The following ERGIC3 variants were observed in gnomAD, a reference collection of about 807,000 sequenced individuals.
ERGIC3 encodes endoplasmic reticulum-Golgi intermediate compartment protein 3.
A neutral mutation model predicts 54.7 loss-of-function variants in ERGIC3; 33 were observed. The ratio of observed to expected loss-of-function variants is 0.60; its 90% CI spans 0.46 to 0.81. ERGIC3 has a LOEUF of 0.81. Ranked by LOEUF, ERGIC3 falls within the 30% of genes least tolerant of loss-of-function variation. ERGIC3 has a pLI of 0.00. For synonymous variants in ERGIC3, 186 were observed against 189.8 expected (o/e 0.98, Z 0.16); for missense variants, 399 against 488.4 (o/e 0.82, Z 1.73).
chr20:35,551,657 G>A (rs189706634), intron 7 of ERGIC3, among the ~76,000 whole-genome samples: 1 of 152,226 alleles, frequency 6.6e-6, no homozygotes, highest in Admixed American at 6.5e-5. Context: ...GGAATTGGTA[G>A]GGGAGACTGG....
chr20:35,553,270 A>AGCCATTGTGCATTTTTAAGG (rs2064692305), intron 7 of ERGIC3, among the ~76,000 whole-genome samples: 1 of 148,296 alleles, frequency 6.7e-6, no homozygotes, highest in East Asian at 2.0e-4. Flanking sequence ...TGTTGGGATT[A>AGCCATTGTGCATTTTTAAGG]CAGATGTGAG....
intron 7 of ERGIC3, chr20:35,554,358 C>A (rs753459063): frequency 6.2e-6 from 10 of 1,614,124 alleles, no homozygotes; most frequent in Non-Finnish European, 8.5e-6. Flanking sequence ...TCTCCTCCCT[C>A]CCCCATGCTG....
chr20:35,543,087 C>A, intron 4 of ERGIC3, 146 bp downstream of exon 4: 1 of 1,167,332 alleles, frequency 8.6e-7, no homozygotes, highest in African/African-American at 1.5e-5. Flanking sequence ...GGTCCCCCAG[C>A]TAGTAAGAGT....
At position 35,555,745 on chromosome 20, in the gene ERGIC3, C is replaced by T. The variant is rs990058980; in HGVS notation, c.718-288C>T. ...AGGCAAGAGAATCGCTTGAATAAGG[C>T]GAGGCTGCAGTGAGCCAAGATCATG... On this transcript the variant is annotated intron_variant, in intron 8 of 12. Transcript: ENST00000348547. Among the ~76,000 whole-genome samples the T allele has an allele frequency of 7.4e-5, 11 of 148,542 alleles. No homozygotes were observed. The South Asian group carries it at 1.3e-3, about 17-fold the overall frequency.
rs989721871 is a variant in ERGIC3, at chr20:35,543,732, T to G, written c.367+791T>G. ...GGATGTGGAGTGGAGGAGAGCAAAGTCATGGTTGTTGATTCCAACGCTTTC... is the reference window on the plus strand; with the variant it reads ...GGATGTGGAGTGGAGGAGAGCAAAGGCATGGTTGTTGATTCCAACGCTTTC... On this transcript the variant is annotated intron_variant, in intron 4 of 12. Transcript: ENST00000348547. 7 of 470,354 alleles carry G rather than the reference T, an allele frequency of 1.5e-5. No homozygotes were observed. In the East Asian group the frequency reaches 3.5e-4, roughly 23 times the overall value. The allele number at this position is 470,354 out of a possible 1,614,324, so 29.1% of individuals were successfully genotyped here. A position where few individuals can be genotyped will look rare whatever the true frequency, so the allele number is the denominator to read the frequency against.
In ERGIC3 at chr20:35,548,593, C is replaced by A; in HGVS notation, c.546C>A (p.Cys182Ter). ...AGAACCCAGATACTATTGAGCAGTGCCGGCGAGAGGGCTTCAGCCAGAAGA... is the reference window on the plus strand; with the variant it reads ...AGAACCCAGATACTATTGAGCAGTGACGGCGAGAGGGCTTCAGCCAGAAGA... The part of the protein sequence containing the change: ...AFKNPDTIEQ[C>*]RREGFSQKMQ... The change falls in exon 6 of 13, where the codon TGC (cysteine) becomes TGA (stop). Residue 182 changes from cysteine to a stop codon, truncating the protein, a stop_gained. Transcript: ENST00000348547. LOFTEE classifies it high-confidence loss of function. The A allele has an allele frequency of 6.2e-7, 1 of 1,614,182 alleles. No homozygotes were observed. Among genetic ancestry groups the A allele is most frequent in the East Asian group, 2.2e-5 (1 of 44,882 alleles).
At chr20:35,557,138 G>A in intron 11 of ERGIC3, 29 bp downstream of exon 11, 2 of 1,614,192 alleles carry the variant, frequency 1.2e-6, no homozygotes, top group South Asian at 1.1e-5. Flanking sequence ...CGGCCTCTGG[G>A]GGCCTGGGCC....
intron 7 of ERGIC3, 70 bp from the exon 8 acceptor site, chr20:35,554,974 G>T (rs748158625): frequency 1.3e-6 from 2 of 1,564,778 alleles, no homozygotes; most frequent in East Asian, 4.5e-5. Flanking sequence ...AGTCCAGGGG[G>T]AGGAAGGAGG....
rs151300892 is a variant in ERGIC3 at position 35,551,546 on chromosome 20, A to C, written c.685+2681A>C. 5.9e-5 allele frequency among the ~76,000 whole-genome samples: 9 copies of C among 152,224 alleles called. No individual in the cohort carries two copies. The East Asian group carries it at 1.7e-3, about 29-fold the overall frequency. ...ATCAGCATGTGTATAGAGCTGTGGG[A>C]CTGGATGAAATCACCCTGGAGGTGA... On this transcript the variant is annotated intron_variant, in intron 7 of 12. Transcript: ENST00000348547.
Position 35,542,958 on chromosome 20 carries a change from G to C in ERGIC3, c.367+17G>C. On this transcript the variant is annotated intron_variant, in intron 4 of 12. Transcript: ENST00000348547. Reference sequence around the variant, plus strand: ...AGCGGCATGGTAACCAGGGGAGGGGGCCGGGTCTCAGATCCCAAAGCTGGA... The same window carrying C: ...AGCGGCATGGTAACCAGGGGAGGGGCCCGGGTCTCAGATCCCAAAGCTGGA... The C allele has an allele frequency of 6.8e-6, 11 of 1,613,450 alleles. No individual in the cohort carries two copies. The highest frequency in any genetic ancestry group is 9.3e-6 in the Non-Finnish European group (11 of 1,179,832).
At chr20:35,547,744 G>A (rs1386467819) in intron 5 of ERGIC3, among the ~76,000 whole-genome samples, 1 of 151,402 alleles carries the variant, frequency 6.6e-6, no homozygotes, top group East Asian at 1.9e-4. Context: ...CTAGAGAAAT[G>A]GTTCAGAGGT....
At chr20:35,555,632 C>T (rs753042500) in intron 8 of ERGIC3, among the ~76,000 whole-genome samples, 18 of 151,998 alleles carry the variant, frequency 1.2e-4, no homozygotes, top group Non-Finnish European at 1.9e-4. Flanking sequence ...GTGTGCCTAA[C>T]GTACAAGTGA....
chr20:35,557,186 T>C lies in ERGIC3; in HGVS notation c.1017-8T>C, dbSNP rs1421711228. 1.2e-6 allele frequency: 2 copies of C among 1,614,186 alleles called. No individual in the cohort carries two copies. The highest frequency in any genetic ancestry group is 1.1e-5 in the South Asian group (1 of 91,084). On this transcript the variant is annotated splice_polypyrimidine_tract_variant and splice_region_variant and intron_variant, in intron 11 of 12. Coordinates refer to ENST00000348547, the MANE Select transcript of ERGIC3 (RefSeq NM_015966.3). ...ATGCCTGCTGAGCCCACCCTCTCCT[T>C]CTACCAGGTCCTTCACCCACTTCCT...
At chr20:35,544,763 A>G (rs557357478) in intron 4 of ERGIC3, 1 of 148,954 alleles carries the variant, frequency 6.7e-6, no homozygotes, top group African/African-American at 2.5e-5. Context: ...CTGCTCTCCA[A>G]TGGCAGCTGT....
intron 10 of ERGIC3, 48 bp downstream of exon 10, chr20:35,556,319 C>T (rs2064711623): frequency 1.3e-6 from 2 of 1,594,594 alleles, no homozygotes; most frequent in Non-Finnish European, 1.7e-6. Context: ...GTGCCAAGCA[C>T]TGGAGTTCCT....
At chr20:35,556,673 G>T in intron 10 of ERGIC3, 1 of 519,618 alleles carries the variant, frequency 1.9e-6, no homozygotes, top group East Asian at 3.5e-5. Context: ...AGTCAGGTCA[G>T]CCTTGGTGCG....
chr20:35,554,711 A>T, intron 7 of ERGIC3: 2 of 588,572 alleles, frequency 3.4e-6, no homozygotes, highest in Non-Finnish European at 6.1e-6. Flanking sequence ...GTGATTTGCC[A>T]TCAGCTCTAG....
At chr20:35,546,467 A>AGGAGAAG (rs1350224553) in intron 4 of ERGIC3, among the ~76,000 whole-genome samples, 2 of 152,202 alleles carry the variant, frequency 1.3e-5, no homozygotes, top group East Asian at 3.8e-4. Context: ...AGAAGGTCTA[A>AGGAGAAG]GTCACCTTAG....
chr20:35,555,490 A>G (rs953816237), intron 8 of ERGIC3, among the ~76,000 whole-genome samples: 1 of 152,138 alleles, frequency 6.6e-6, no homozygotes. Context: ...ATCACGACAT[A>G]ATCAGATTTG....
Sources: gnomAD v4.1 joint callset for allele counts (sites outside exome capture counted in the v4.1 genomes callset) on GRCh38, gnomAD v4.1.1 for gene constraint, MANE v1.5 for transcripts, NCBI Gene and HGNC (gene_info 2026-07-23, HGNC 2026-07-21) for gene names.